Variants in FABP12 observed in about 807,000 individuals in gnomAD.
FABP12 encodes the protein fatty acid binding protein 12.
A neutral mutation model predicts 13.7 loss-of-function variants in FABP12; 19 were observed. That is an observed-to-expected ratio of 1.39 (90% CI 0.97 to 2.04). The LOEUF (loss-of-function observed/expected upper bound fraction) is 2.04, where lower values mean the gene tolerates loss of function less well. FABP12 is among the 30% of genes most tolerant of loss of function. FABP12 has a pLI of 0.00. For synonymous variants in FABP12, 61 were observed against 57.0 expected (o/e 1.07, Z -0.32); for missense variants, 182 against 164.2 (o/e 1.11, Z -0.59).
intron 4 of FABP12, 93 bp from the exon 5 acceptor site, chr8:81,525,213 C>A (rs574333513): frequency 2.4e-6 from 2 of 827,322 alleles, no homozygotes; most frequent in South Asian, 1.7e-5. Flanking sequence ...CACATACATT[C>A]CTTAAAAATA....
intron 1 of FABP12, among the ~76,000 whole-genome samples, chr8:81,558,804 C>T (rs1020183151): frequency 6.7e-6 from 1 of 149,644 alleles, no homozygotes; most frequent in African/African-American, 2.5e-5. Flanking sequence ...GCAGGAGAAT[C>T]GCTTGAACCC....
At chr8:81,566,582 A>G (rs1230564493) in intron 1 of FABP12, among the ~76,000 whole-genome samples, 1 of 152,148 alleles carries the variant, frequency 6.6e-6, no homozygotes, top group Non-Finnish European at 1.5e-5. Context: ...GATCATTTCA[A>G]TTGATGCTAA....
At chr8:81,526,996 GA>G (rs1459063881) in intron 4 of FABP12, 23 bp downstream of exon 4, 3 of 1,408,932 alleles carry the variant, frequency 2.1e-6, no homozygotes, top group Non-Finnish European at 3.0e-6. Flanking sequence ...AAGGTGGGAA[GA>G]AAGCGAGGAT....
chr8:81,565,953 CAATA>C, intron 1 of FABP12, among the ~76,000 whole-genome samples: 1 of 151,722 alleles, frequency 6.6e-6, no homozygotes, highest in East Asian at 1.9e-4. Flanking sequence ...GGAGAAGATC[CAATA>C]AATAAAATCA....
intron 1 of FABP12, among the ~76,000 whole-genome samples, chr8:81,567,183 T>C (rs538343605): frequency 4.6e-5 from 7 of 152,180 alleles, no homozygotes; most frequent in Non-Finnish European, 8.8e-5. Context: ...ATATTCCATG[T>C]TCATGGATTG....
chr8:81,572,915 T>A (rs879784470), intron 1 of FABP12, among the ~76,000 whole-genome samples: 4,290 of 152,168 alleles, frequency 0.028, 97 homozygotes, highest in Middle Eastern at 0.082. Flanking sequence ...TGTTTGCTGC[T>A]AACTGTTCTT....
At chr8:81,537,685 A>C (rs768081811), upstream of FABP12, among the ~76,000 whole-genome samples, 11 of 152,134 alleles carry the variant, frequency 7.2e-5, no homozygotes, top group Non-Finnish European at 1.6e-4. Context: ...TTTCTGGCTA[A>C]GAACATCGGG....
chr8:81,533,861 G>C (rs1430587368), exon 1 of FABP12, among the ~76,000 whole-genome samples: 1 of 152,108 alleles, frequency 6.6e-6, no homozygotes, highest in Non-Finnish European at 1.5e-5. Flanking sequence ...TCTCACGATG[G>C]ACTTCTGCTG....
At chr8:81,574,098 A>G (rs1196641681) in intron 1 of FABP12, among the ~76,000 whole-genome samples, 6 of 152,110 alleles carry the variant, frequency 3.9e-5, no homozygotes, top group Admixed American at 3.9e-4. Flanking sequence ...TTTGTCATAG[A>G]TGGCTTTTAT....
intron 1 of FABP12, among the ~76,000 whole-genome samples, chr8:81,544,433 C>T (rs1267094152): frequency 6.6e-6 from 1 of 152,160 alleles, no homozygotes; most frequent in Non-Finnish European, 1.5e-5. Context: ...CTTAACATTG[C>T]TTTCTCCTCT....
At chr8:81,590,063 CAAG>C (rs1217384731) in exon 1 of FABP12, among the ~76,000 whole-genome samples, 2 of 152,068 alleles carry the variant, frequency 1.3e-5, no homozygotes, top group African/African-American at 4.8e-5. Context: ...CTGAGAATTC[CAAG>C]AAGAGAATTG....
At chr8:81,547,976 C>G (rs1809462958) in intron 1 of FABP12, among the ~76,000 whole-genome samples, 1 of 152,112 alleles carries the variant, frequency 6.6e-6, no homozygotes, top group Admixed American at 6.5e-5. Flanking sequence ...ATATTTGACC[C>G]ATTCAATCAA....
chr8:81,548,955 C>T (rs1034835848), intron 1 of FABP12, among the ~76,000 whole-genome samples: 9 of 152,150 alleles, frequency 5.9e-5, no homozygotes, highest in Admixed American at 3.3e-4. Context: ...GAGATTAACA[C>T]TTAAACAGAC....
chr8:81,525,559 A>AGAT (rs1474238502), intron 4 of FABP12, among the ~76,000 whole-genome samples: 4 of 151,500 alleles, frequency 2.6e-5, no homozygotes, highest in African/African-American at 9.7e-5. Flanking sequence ...GATAGATGAT[A>AGAT]GATAGATAGA....
intron 1 of FABP12, among the ~76,000 whole-genome samples, chr8:81,580,573 A>T (rs1039311214): frequency 1.3e-5 from 2 of 152,128 alleles, no homozygotes; most frequent in Non-Finnish European, 2.9e-5. Context: ...AAAAAAATAA[A>T]GGAAGAACTA....
chr8:81,534,985 C>T (rs1307817228), upstream of FABP12, among the ~76,000 whole-genome samples: 4 of 152,082 alleles, frequency 2.6e-5, no homozygotes, highest in African/African-American at 4.8e-5. Flanking sequence ...CTGTTCCATG[C>T]AAATGCAAAT....
At chr8:81,547,237 A>C (rs1315662757) in intron 1 of FABP12, among the ~76,000 whole-genome samples, 1 of 152,246 alleles carries the variant, frequency 6.6e-6, no homozygotes, top group Non-Finnish European at 1.5e-5. Flanking sequence ...TTGTGTGAAC[A>C]CAGGCACACC....
intron 1 of FABP12, among the ~76,000 whole-genome samples, chr8:81,556,216 T>C (rs552762707): frequency 1.0e-3 from 152 of 152,324 alleles, no homozygotes; most frequent in African/African-American, 3.6e-3. Context: ...GGCAGGAATG[T>C]GTTGTGTCTG....
upstream of FABP12, among the ~76,000 whole-genome samples, chr8:81,534,847 G>T (rs1433798465): frequency 6.6e-6 from 1 of 152,050 alleles, no homozygotes; most frequent in Non-Finnish European, 1.5e-5. Flanking sequence ...GGGAGGCTGA[G>T]GCAGGAGAAT....
Sources: gnomAD v4.1 joint callset for allele counts (sites outside exome capture counted in the v4.1 genomes callset) on GRCh38, gnomAD v4.1.1 for gene constraint, MANE v1.5 for transcripts, NCBI Gene and HGNC (gene_info 2026-07-23, HGNC 2026-07-21) for gene names.